VEPH1: variants seen among roughly 807,000 people sequenced by gnomAD.
VEPH1 encodes the protein ventricular zone-expressed PH domain-containing protein homolog 1.
VEPH1 carries 80 observed loss-of-function variants against 85.2 expected under a neutral mutation model. The ratio of observed to expected loss-of-function variants is 0.94; its 90% confidence interval spans 0.78 to 1.13. VEPH1 has a LOEUF of 1.13. Ranked by LOEUF, VEPH1 falls within the 50% of genes most tolerant of loss-of-function variation. The pLI is 0.00. For synonymous variants in VEPH1, 297 were observed against 348.0 expected (o/e 0.85, Z 1.63); for missense variants, 955 against 980.5 (o/e 0.97, Z 0.35).
chr3:157,379,919 T>C (rs1332312436), intron 7 of VEPH1, among the ~76,000 whole-genome samples: 1 of 152,198 alleles, frequency 6.6e-6, no homozygotes, highest in Non-Finnish European at 1.5e-5. Flanking sequence ...CTGCCCTTCT[T>C]GCCTTGTAGA....
At chr3:157,486,325 G>A (rs1038173511) in intron 2 of VEPH1, among the ~76,000 whole-genome samples, 2 of 151,874 alleles carry the variant, frequency 1.3e-5, no homozygotes, top group South Asian at 2.1e-4. Flanking sequence ...GTGAAACCCC[G>A]TCTATACTGA....
intron 12 of VEPH1, among the ~76,000 whole-genome samples, chr3:157,278,414 A>G (rs1182177517): frequency 6.6e-6 from 1 of 152,234 alleles, no homozygotes; most frequent in Non-Finnish European, 1.5e-5. Flanking sequence ...CAAAGAGAGC[A>G]GAGGGAATGT....
At chr3:157,343,182 C>T (rs1723784204) in intron 9 of VEPH1, among the ~76,000 whole-genome samples, 1 of 152,052 alleles carries the variant, frequency 6.6e-6, no homozygotes. Context: ...AAGATCAGAG[C>T]AGAACTGAAG....
chr3:157,437,501 C>A, intron 4 of VEPH1: 1 of 1,598,932 alleles, frequency 6.3e-7, no homozygotes, highest in Non-Finnish European at 8.5e-7. Context: ...GTGTGTGTAT[C>A]CCGTACTCTA....
chr3:157,399,303 A>C (rs1404197555), intron 6 of VEPH1, among the ~76,000 whole-genome samples: 1 of 152,244 alleles, frequency 6.6e-6, no homozygotes, highest in Non-Finnish European at 1.5e-5. Context: ...AACTTTACCT[A>C]GAATTGAAAT....
At chr3:157,405,900 C>T (rs905070434) in intron 6 of VEPH1, among the ~76,000 whole-genome samples, 2 of 152,146 alleles carry the variant, frequency 1.3e-5, no homozygotes, top group African/African-American at 4.8e-5. Context: ...ATCACCAGTA[C>T]TGGGTCTTAC....
At chr3:157,459,780 A>G in intron 4 of VEPH1, 1 of 1,473,010 alleles carries the variant, frequency 6.8e-7, no homozygotes, top group Non-Finnish European at 9.0e-7. Flanking sequence ...TTTATCTAAC[A>G]AAAGACATTT....
chr3:157,381,546 C>T lies in VEPH1; in HGVS notation c.907-170G>A, dbSNP rs1728776142. The T allele has an allele frequency of 9.7e-6, 6 of 620,916 alleles. No homozygotes were observed. The South Asian group carries it at 1.2e-4, about 12-fold the overall frequency. The allele number at this position is 620,916 out of a possible 1,614,324, so 38.5% of individuals were successfully genotyped here. ...CAGCCTGGGCAACATGGTAACACCC[C>T]ATCTCAACTTAAAAATACAAAAACT... On this transcript the variant is annotated intron_variant, in intron 6 of 13. Coordinates refer to ENST00000362010, the MANE Select transcript of VEPH1 (RefSeq NM_001167912.2).
intron 4 of VEPH1, among the ~76,000 whole-genome samples, chr3:157,436,296 T>C (rs1733570262): frequency 1.3e-5 from 2 of 151,822 alleles, no homozygotes; most frequent in South Asian, 2.1e-4. Flanking sequence ...AAATTATCTA[T>C]AAAAGTATAG....
chr3:157,345,577 T>C (rs185373589), intron 9 of VEPH1, among the ~76,000 whole-genome samples: 1 of 152,332 alleles, frequency 6.6e-6, no homozygotes, highest in East Asian at 1.9e-4. Context: ...TTTACACTGT[T>C]GATGGGACTA....
chr3:157,451,464 C>T (rs1177114485), intron 4 of VEPH1, among the ~76,000 whole-genome samples: 1 of 152,010 alleles, frequency 6.6e-6, no homozygotes, highest in East Asian at 1.9e-4. Context: ...TAAATGTGTA[C>T]TTAAACTTAA....
At chr3:157,461,379 G>A (rs1455607639) in intron 3 of VEPH1, among the ~76,000 whole-genome samples, 1 of 152,148 alleles carries the variant, frequency 6.6e-6, no homozygotes, top group East Asian at 1.9e-4. Context: ...AAACTGTGCA[G>A]TGCACAGCGT....
intron 9 of VEPH1, among the ~76,000 whole-genome samples, chr3:157,346,518 C>A (rs1724241858): frequency 6.6e-6 from 1 of 152,166 alleles, no homozygotes; most frequent in Non-Finnish European, 1.5e-5. Flanking sequence ...TAAACATATT[C>A]CTAGATAATA....
chr3:157,467,896 A>G (rs962623486), intron 3 of VEPH1, among the ~76,000 whole-genome samples: 1 of 152,218 alleles, frequency 6.6e-6, no homozygotes, highest in African/African-American at 2.4e-5. Flanking sequence ...CACTGTCTTG[A>G]TCATCAATGA....
chr3:157,446,975 A>G (rs983631486), intron 4 of VEPH1, among the ~76,000 whole-genome samples: 2 of 152,224 alleles, frequency 1.3e-5, no homozygotes, highest in African/African-American at 2.4e-5. Flanking sequence ...ACCTTGTTGA[A>G]AGATTAGTAA....
chr3:157,496,633 A>T (rs988661881), intron 1 of VEPH1, among the ~76,000 whole-genome samples: 9 of 152,024 alleles, frequency 5.9e-5, no homozygotes, highest in African/African-American at 2.2e-4. Context: ...GAGTGTGAAA[A>T]GGGAGAGGAG....
At chr3:157,277,471 A>C (rs1355507139) in intron 12 of VEPH1, among the ~76,000 whole-genome samples, 1 of 152,112 alleles carries the variant, frequency 6.6e-6, no homozygotes, top group Non-Finnish European at 1.5e-5. Context: ...CATTGTAACC[A>C]TTGTCCTACC....
At chr3:157,286,301 G>T in intron 12 of VEPH1, 2 of 418,182 alleles carry the variant, frequency 4.8e-6, no homozygotes, top group Non-Finnish European at 8.9e-6. Flanking sequence ...ATACTTTTAG[G>T]GCAAAATGGC....
intron 4 of VEPH1, among the ~76,000 whole-genome samples, chr3:157,459,100 A>T (rs1460240450): frequency 1.3e-5 from 2 of 152,214 alleles, no homozygotes; most frequent in East Asian, 3.8e-4. Context: ...AGGCTGCCAC[A>T]CTGAATTACT....
Sources: gnomAD v4.1 joint callset for allele counts (sites outside exome capture counted in the v4.1 genomes callset) on GRCh38, gnomAD v4.1.1 for gene constraint, MANE v1.5 for transcripts, NCBI Gene and HGNC (gene_info 2026-07-23, HGNC 2026-07-21) for gene names.